MAGI1: variants seen among roughly 807,000 people sequenced by gnomAD.
MAGI1 encodes membrane-associated guanylate kinase, WW and PDZ domain-containing protein 1.
In MAGI1, 58 loss-of-function variants were observed where a neutral mutation model predicts 139.9. The ratio of observed to expected loss-of-function variants is 0.41; its 90% CI spans 0.34 to 0.52. The LOEUF is 0.52. Ranked by LOEUF, MAGI1 falls within the 20% of genes least tolerant of loss-of-function variation. The pLI, the probability that MAGI1 is intolerant of heterozygous loss-of-function variation, is 0.12. For missense variants in MAGI1, 1,874 were observed against 1,901.6 expected, an observed-to-expected ratio of 0.99 and a Z score of 0.27; for synonymous variants, 812 against 737.9, an observed-to-expected ratio of 1.10 and a Z score of -1.63.
chr3:65,916,487 G>C (rs1445016839), intron 1 of MAGI1, among the ~76,000 whole-genome samples: 1 of 152,154 alleles, frequency 6.6e-6, no homozygotes, highest in Non-Finnish European at 1.5e-5. Flanking sequence ...GCACACAAGA[G>C]AGAAAATAAG....
intron 1 of MAGI1, among the ~76,000 whole-genome samples, chr3:65,864,094 A>T (rs2059641007): frequency 2.0e-5 from 3 of 152,328 alleles, no homozygotes; most frequent in South Asian, 4.1e-4. Context: ...TATGAAACAA[A>T]ATGAAAAAAA....
chr3:65,442,976 T>C (rs1400618663), intron 7 of MAGI1, 127 bp from the exon 8 acceptor site: 1 of 572,410 alleles, frequency 1.7e-6, no homozygotes, highest in Non-Finnish European at 3.1e-6. Context: ...TAAAACTGTA[T>C]ATCCTAACCA....
chr3:65,718,551 T>C (rs1160632228), intron 1 of MAGI1: 2 of 152,210 alleles, frequency 1.3e-5, no homozygotes, highest in Non-Finnish European at 2.9e-5. Context: ...TACATACTAG[T>C]AATGCATCTT....
chr3:65,550,646 C>G (rs1216917766), intron 2 of MAGI1, among the ~76,000 whole-genome samples: 2 of 152,162 alleles, frequency 1.3e-5, no homozygotes, highest in African/African-American at 2.4e-5. Flanking sequence ...ATGCTCACAT[C>G]ACTGCCTGGA....
intron 1 of MAGI1, among the ~76,000 whole-genome samples, chr3:65,779,024 G>A (rs527752265): frequency 6.6e-6 from 1 of 152,290 alleles, no homozygotes; most frequent in African/African-American, 2.4e-5. Flanking sequence ...CCAAACCCCA[G>A]ACAATGAATT....
intron 1 of MAGI1, among the ~76,000 whole-genome samples, chr3:65,633,105 G>A (rs2084406210): frequency 1.3e-5 from 2 of 152,276 alleles, no homozygotes; most frequent in Middle Eastern, 3.4e-3. Context: ...ACCTGCTAAA[G>A]TTTGTGGACC....
At chr3:65,375,715 A>G (rs778930027) in intron 18 of MAGI1, 30 bp downstream of exon 18, 1 of 1,514,076 alleles carries the variant, frequency 6.6e-7, no homozygotes, top group Non-Finnish European at 9.2e-7. Context: ...AAAAAGAGAG[A>G]GAGAGAGAGA....
At chr3:66,032,642 G>C (rs1047293613) in intron 1 of MAGI1, among the ~76,000 whole-genome samples, 1 of 151,662 alleles carries the variant, frequency 6.6e-6, no homozygotes, top group Non-Finnish European at 1.5e-5. Flanking sequence ...AACAGGGCCC[G>C]TTGCGGTGGC....
intron 1 of MAGI1, among the ~76,000 whole-genome samples, chr3:65,631,057 A>G (rs1396550305): frequency 2.0e-5 from 3 of 152,228 alleles, no homozygotes; most frequent in Non-Finnish European, 2.9e-5. Context: ...GGTCATGTGT[A>G]GAGGTGGAAG....
At chr3:66,026,423 C>T (rs1040914238) in intron 1 of MAGI1, among the ~76,000 whole-genome samples, 5 of 151,992 alleles carry the variant, frequency 3.3e-5, no homozygotes, top group Admixed American at 1.3e-4. Context: ...AAAAATAAGA[C>T]ATGGATTTTC....
intron 1 of MAGI1, among the ~76,000 whole-genome samples, chr3:65,871,408 T>A (rs1217620007): frequency 6.6e-6 from 1 of 152,188 alleles, no homozygotes; most frequent in Non-Finnish European, 1.5e-5. Context: ...TGCTCCAGGA[T>A]TGGGACAGCG....
intron 1 of MAGI1, among the ~76,000 whole-genome samples, chr3:66,013,142 G>T (rs1205527921): frequency 6.6e-6 from 1 of 152,070 alleles, no homozygotes; most frequent in African/African-American, 2.4e-5. Flanking sequence ...AGCGGCTCAC[G>T]CCTGCAATCC....
intron 1 of MAGI1, among the ~76,000 whole-genome samples, chr3:65,830,588 C>A (rs2042469104): frequency 6.6e-6 from 1 of 152,178 alleles, no homozygotes; most frequent in Non-Finnish European, 1.5e-5. Context: ...GTATCAGACT[C>A]CTTATCAATA....
rs148911231 is a variant in MAGI1, at chr3:65,643,641, A to T, written c.314-21553T>A. Among the ~76,000 whole-genome samples the T allele has an allele frequency of 3.5e-3, 531 of 151,650 alleles. 3 individuals are homozygous for T. The highest frequency in any genetic ancestry group is 0.012 in the African/African-American group (512 of 41,226). ...CTGAAGAACCCAGGAATGGGTAAAA[A>T]CCAAGTGGGATGAAGGAAAACAACA... On this transcript the variant is annotated intron_variant, in intron 1 of 22. Transcript: ENST00000402939.
At chr3:65,971,254 A>C (rs2065002307) in intron 1 of MAGI1, among the ~76,000 whole-genome samples, 1 of 152,214 alleles carries the variant, frequency 6.6e-6, no homozygotes, top group Non-Finnish European at 1.5e-5. Context: ...TCATTATTTA[A>C]AAGGTCCACT....
chr3:66,010,881 T>A (rs1160288764), intron 1 of MAGI1, among the ~76,000 whole-genome samples: 1 of 152,184 alleles, frequency 6.6e-6, no homozygotes, highest in Non-Finnish European at 1.5e-5. Flanking sequence ...GCCGGTCTCA[T>A]CCTAGTGCCG....
At chr3:65,977,975 C>T (rs1340675556) in intron 1 of MAGI1, among the ~76,000 whole-genome samples, 1 of 152,216 alleles carries the variant, frequency 6.6e-6, no homozygotes, top group Non-Finnish European at 1.5e-5. Context: ...GAGAGGCCTT[C>T]CCTGACCAGT....
chr3:66,017,878 A>G (rs1330694051), intron 1 of MAGI1, among the ~76,000 whole-genome samples: 1 of 152,156 alleles, frequency 6.6e-6, no homozygotes, highest in East Asian at 1.9e-4. Flanking sequence ...AAACACAAAG[A>G]AGGAGGCAGA....
chr3:66,031,546 C>T (rs1008347171), intron 1 of MAGI1, among the ~76,000 whole-genome samples: 5 of 152,188 alleles, frequency 3.3e-5, no homozygotes, highest in African/African-American at 7.2e-5. Context: ...CCACTGGAAA[C>T]GATGGACAAG....
Sources: allele counts gnomAD v4.1 joint callset (sites outside exome capture counted in the v4.1 genomes callset), GRCh38; gene constraint gnomAD v4.1.1; transcripts MANE v1.5; gene names NCBI Gene and HGNC (gene_info 2026-07-23, HGNC 2026-07-21).